The following WWOX variants were observed in gnomAD, a reference collection of about 807,000 sequenced individuals.
WWOX encodes WW domain containing oxidoreductase, also known as WW domain-containing oxidoreductase.
WWOX carries 69 observed loss-of-function variants against 46.2 expected under a neutral mutation model. The observed-to-expected ratio is 1.49, with a 90% confidence interval of 1.23 to 1.82. The LOEUF (loss-of-function observed/expected upper bound fraction) is 1.82. WWOX is among the 40% of genes most tolerant of loss of function. The pLI, the probability that WWOX is intolerant of heterozygous loss-of-function variation, is 0.00. For synonymous variants in WWOX, 359 were observed against 202.6 expected (o/e 1.77, Z -6.56); for missense variants, 919 against 542.6 (o/e 1.69, Z -6.89).
chr16:79,163,226 T>C (rs971079825), intron 8 of WWOX, among the ~76,000 whole-genome samples: 2 of 152,054 alleles, frequency 1.3e-5, no homozygotes, highest in Non-Finnish European at 2.9e-5. Context: ...AAGTGAGGAA[T>C]AGGCTTAGTG....
intron 8 of WWOX, among the ~76,000 whole-genome samples, chr16:79,200,677 C>T (rs2150828600): frequency 6.6e-6 from 1 of 152,270 alleles, no homozygotes; most frequent in Non-Finnish European, 1.5e-5. Flanking sequence ...CTAACCCTCC[C>T]TAAGCAGCTA....
At chr16:78,996,999 A>C (rs573537986) in intron 8 of WWOX, among the ~76,000 whole-genome samples, 5 of 152,162 alleles carry the variant, frequency 3.3e-5, no homozygotes, top group Non-Finnish European at 4.4e-5. Flanking sequence ...CCCTCGCTCA[A>C]ATGTGCGTCT....
intron 4 of WWOX, among the ~76,000 whole-genome samples, chr16:78,155,642 T>C (rs766480677): frequency 6.6e-6 from 1 of 152,234 alleles, no homozygotes; most frequent in African/African-American, 2.4e-5. Context: ...ACTCTTGCCA[T>C]CTCCATGCAG....
intron 8 of WWOX, among the ~76,000 whole-genome samples, chr16:78,601,110 A>T (rs2045611985): frequency 6.6e-6 from 1 of 152,186 alleles, no homozygotes. Flanking sequence ...CAGGGTGTAT[A>T]AGTGACATGG....
intron 8 of WWOX, among the ~76,000 whole-genome samples, chr16:78,971,076 T>C (rs74634498): frequency 0.025 from 3,838 of 152,126 alleles, 144 homozygotes; most frequent in African/African-American, 0.087. Context: ...TGTATACATA[T>C]GTATATGTAT....
intron 8 of WWOX, among the ~76,000 whole-genome samples, chr16:79,126,542 C>T (rs1225426055): frequency 6.6e-6 from 1 of 152,106 alleles, no homozygotes; most frequent in African/African-American, 2.4e-5. Flanking sequence ...TCTTGCTTCC[C>T]CTTCGTCTTC....
At chr16:78,750,676 A>T (rs8061646) in intron 8 of WWOX, among the ~76,000 whole-genome samples, 1 of 151,896 alleles carries the variant, frequency 6.6e-6, no homozygotes, top group Non-Finnish European at 1.5e-5. Context: ...CCCAGAGTCT[A>T]TTGTTCCTGT....
At chr16:78,579,424 G>C (rs1038274283) in intron 8 of WWOX, among the ~76,000 whole-genome samples, 4 of 152,134 alleles carry the variant, frequency 2.6e-5, no homozygotes, top group Non-Finnish European at 4.4e-5. Flanking sequence ...CTGAGGAAGG[G>C]TACTCAGGCT....
chr16:78,870,522 C>A (rs777372023), intron 8 of WWOX, among the ~76,000 whole-genome samples: 1 of 151,906 alleles, frequency 6.6e-6, no homozygotes, highest in Non-Finnish European at 1.5e-5. Flanking sequence ...AAACAAAAAA[C>A]CCTTACTGAT....
chr16:78,727,059 C>T (rs972186835), intron 8 of WWOX, among the ~76,000 whole-genome samples: 3 of 152,162 alleles, frequency 2.0e-5, no homozygotes, highest in East Asian at 1.9e-4. Context: ...CATCGCCAGT[C>T]CCAGTGCCCT....
intron 8 of WWOX, among the ~76,000 whole-genome samples, chr16:78,524,416 A>ATTTG (rs1448940921): frequency 3.4e-5 from 5 of 145,674 alleles, no homozygotes; most frequent in African/African-American, 5.4e-5. Context: ...TTGTTTATTT[A>ATTTG]TTTATTTATT....
intron 8 of WWOX, among the ~76,000 whole-genome samples, chr16:78,911,393 C>A (rs935043174): frequency 3.3e-5 from 5 of 151,972 alleles, no homozygotes; most frequent in Non-Finnish European, 7.4e-5. Context: ...GCAGTCTTTT[C>A]TTTTTCTTGA....
intron 8 of WWOX, among the ~76,000 whole-genome samples, chr16:79,078,603 A>G (rs868221451): frequency 1.3e-5 from 2 of 152,216 alleles, no homozygotes; most frequent in Non-Finnish European, 2.9e-5. Context: ...AGTTCCTGGG[A>G]GCATTTAACA....
intron 8 of WWOX, among the ~76,000 whole-genome samples, chr16:79,209,061 G>T (rs2051621352): frequency 1.3e-5 from 2 of 152,196 alleles, no homozygotes; most frequent in Non-Finnish European, 2.9e-5. Flanking sequence ...TACAAAGCCA[G>T]AGCCACTTGT....
chr16:78,406,512 C>A (rs2082550435), intron 6 of WWOX, among the ~76,000 whole-genome samples: 1 of 149,976 alleles, frequency 6.7e-6, no homozygotes, highest in Admixed American at 6.7e-5. Context: ...GCTACCACAC[C>A]CAGCTAATTT....
chr16:78,970,153 C>T (rs2046442400), intron 8 of WWOX, among the ~76,000 whole-genome samples: 1 of 152,124 alleles, frequency 6.6e-6, no homozygotes, highest in Non-Finnish European at 1.5e-5. Context: ...GTGGAATGGG[C>T]CTGTCACCTC....
At chr16:79,054,310 C>T in intron 8 of WWOX, among the ~76,000 whole-genome samples, 1 of 152,136 alleles carries the variant, frequency 6.6e-6, no homozygotes, top group East Asian at 1.9e-4. Flanking sequence ...CAAAACATAT[C>T]CCCCAGCTAT....
intron 8 of WWOX, chr16:79,077,425 TG>T (rs2048678752): frequency 6.6e-6 from 1 of 152,170 alleles, no homozygotes; most frequent in African/African-American, 2.4e-5. Context: ...CTGATGTGAA[TG>T]GTATTTCTGA....
intron 5 of WWOX, among the ~76,000 whole-genome samples, chr16:78,370,162 T>C (rs982062931): frequency 3.4e-5 from 5 of 147,132 alleles, no homozygotes; most frequent in African/African-American, 1.2e-4. Context: ...GGCATGGATC[T>C]AGATGCCAGA....
Sources: gnomAD v4.1 joint callset for allele counts (sites outside exome capture counted in the v4.1 genomes callset) on GRCh38, gnomAD v4.1.1 for gene constraint, MANE v1.5 for transcripts, NCBI Gene and HGNC (gene_info 2026-07-23, HGNC 2026-07-21) for gene names.